YJU2B: variants seen among roughly 807,000 people sequenced by gnomAD.
The protein encoded by YJU2B is probable splicing factor YJU2B.
In YJU2B, 18 loss-of-function variants were observed where a neutral mutation model predicts 38.0. The observed-to-expected ratio is 0.47, with a 90% CI of 0.33 to 0.70. The LOEUF (loss-of-function observed/expected upper bound fraction) is 0.70. Ranked by LOEUF, YJU2B falls within the 30% of genes least tolerant of loss-of-function variation. The pLI is 0.02. For synonymous variants in YJU2B, 246 were observed against 225.4 expected, an observed-to-expected ratio of 1.09 and a Z score of -0.82; for missense variants, 538 against 556.3, an observed-to-expected ratio of 0.97 and a Z score of 0.33.
At chr19:13,757,562 G>A in intron 5 of YJU2B, 89 bp downstream of exon 5, 1 of 1,250,168 alleles carries the variant, frequency 8.0e-7, no homozygotes, top group South Asian at 1.2e-5. Context: ...GGAGGGTCCT[G>A]ATCAGGAATG....
intron 1 of YJU2B, among the ~76,000 whole-genome samples, chr19:13,750,672 C>G (rs1973424143): frequency 6.6e-6 from 1 of 151,774 alleles, no homozygotes; most frequent in South Asian, 2.1e-4. Flanking sequence ...CTGGCCTGGT[C>G]AACACAGTGA....
intron 2 of YJU2B, among the ~76,000 whole-genome samples, chr19:13,741,277 C>T (rs528990957): frequency 7.9e-5 from 12 of 151,690 alleles, no homozygotes; most frequent in African/African-American, 2.7e-4. Flanking sequence ...GCCTCAGCCT[C>T]CTGAGTAGCT....
intron 2 of YJU2B, among the ~76,000 whole-genome samples, chr19:13,735,269 T>A (rs957422150): frequency 2.0e-5 from 3 of 152,000 alleles, no homozygotes; most frequent in Non-Finnish European, 4.4e-5. Context: ...GAGCCGAGAT[T>A]GCGCCACCGC....
intron 2 of YJU2B, among the ~76,000 whole-genome samples, chr19:13,737,798 ATAAATT>A (rs1972993890): frequency 1.3e-5 from 2 of 151,306 alleles, no homozygotes; most frequent in Middle Eastern, 3.4e-3. Flanking sequence ...AAATAAATAA[ATAAATT>A]TAAGTTAGCC....
chr19:13,734,633 G>T (rs993193326), intron 2 of YJU2B, among the ~76,000 whole-genome samples: 4 of 151,984 alleles, frequency 2.6e-5, no homozygotes, highest in Non-Finnish European at 5.9e-5. Context: ...CTACCACCCA[G>T]CCTGGAGTGC....
intron 2 of YJU2B, among the ~76,000 whole-genome samples, chr19:13,737,513 G>A (rs1157382158): frequency 6.6e-6 from 1 of 150,606 alleles, no homozygotes; most frequent in African/African-American, 2.4e-5. Context: ...AGGGCTGGGC[G>A]CGGTGGCTCA....
At position 13,762,843 on chromosome 19, in the gene YJU2B, A is replaced by G. The variant is rs1387137106; in HGVS notation, c.966A>G (p.Pro322=). The G allele has an allele frequency of 1.2e-6, 2 of 1,606,874 alleles. No homozygotes were observed. Among genetic ancestry groups the G allele is most frequent in the East Asian group, 4.5e-5 (2 of 44,612 alleles). Residue 322 remains proline, a synonymous_variant, in exon 10 of 10, where the codon CCA becomes CCG. Transcript: ENST00000221554. ...CCAAGTCTGGGGAACCGCGGGTACC[A>G]GAGGAGGCTGCCCAGGACCGGCCCA... is the stretch of plus-strand genomic sequence containing the variant. ...DTPKSGEPRV[P]EEAAQDRPMS... is the part of the protein sequence containing the mutation.
At position 13,737,503 on chromosome 19, in the gene YJU2B, A is replaced by G. The variant is rs888059647; in HGVS notation, c.-202+5218A>G. On this transcript the variant is annotated intron_variant, in intron 2 of 10. Transcript: ENST00000586600. ...CTGCAGAGTACATAGAAAAGCAGGT[A>G]GGGCTGGGCGCGGTGGCTCACACCT... Among the ~76,000 whole-genome samples the G allele has an allele frequency of 1.6e-3, 238 of 150,592 alleles. 3 individuals are homozygous for G. Among genetic ancestry groups the G allele is most frequent in the Non-Finnish European group, 8.9e-4 (60 of 67,788 alleles).
intron 8 of YJU2B, chr19:13,761,266 C>G (rs1973876787): frequency 6.6e-6 from 1 of 152,070 alleles, no homozygotes; most frequent in African/African-American, 2.4e-5. Context: ...CCTGTAGTCC[C>G]AGCTACTTGG....
chr19:13,747,801 T>G (rs528123020), upstream of YJU2B: 6 of 152,414 alleles, frequency 3.9e-5, no homozygotes, highest in South Asian at 6.2e-4. Flanking sequence ...CGCAGAACGC[T>G]TGGCGTATCG....
At chr19:13,759,778 C>T (rs980428916) in intron 8 of YJU2B, among the ~76,000 whole-genome samples, 1 of 150,028 alleles carries the variant, frequency 6.7e-6, no homozygotes, top group African/African-American at 2.5e-5. Flanking sequence ...TAGGTACCCA[C>T]CACCACCACG....
At chr19:13,743,797 G>A (rs1973158441), upstream of YJU2B, among the ~76,000 whole-genome samples, 1 of 151,318 alleles carries the variant, frequency 6.6e-6, no homozygotes, top group South Asian at 2.1e-4. Flanking sequence ...GGAGGCTGAG[G>A]CAGGAGAATC....
intron 3 of YJU2B, among the ~76,000 whole-genome samples, 195 bp from the exon 4 acceptor site, chr19:13,756,002 G>A (rs192947365): frequency 1.3e-5 from 2 of 152,212 alleles, no homozygotes; most frequent in East Asian, 1.9e-4. Context: ...TCAAACTCAC[G>A]TTCCTGGTTC....
chr19:13,746,722 C>A (rs193081158), upstream of YJU2B, among the ~76,000 whole-genome samples: 204 of 152,264 alleles, frequency 1.3e-3, 3 homozygotes, highest in Non-Finnish European at 4.3e-4. Flanking sequence ...GTCTGGCCAA[C>A]ATGGTGAAAC....
At chr19:13,740,023 T>C (rs892024933) in intron 2 of YJU2B, among the ~76,000 whole-genome samples, 4 of 152,128 alleles carry the variant, frequency 2.6e-5, no homozygotes, top group African/African-American at 9.7e-5. Flanking sequence ...TTTACTGCAT[T>C]ACTATTTACA....
At chr19:13,732,630 G>A (rs1229872222) in intron 2 of YJU2B, 1 of 95,628 alleles carries the variant, frequency 1.0e-5, no homozygotes, top group East Asian at 3.8e-4. Flanking sequence ...TTTTTTTTGC[G>A]ACAGAGTCTC....
chr19:13,737,238 TG>T (rs1056650491), intron 2 of YJU2B, among the ~76,000 whole-genome samples: 12 of 152,156 alleles, frequency 7.9e-5, no homozygotes, highest in Admixed American at 7.9e-4. Flanking sequence ...TTTCACAGGC[TG>T]GTCTTGAACC....
chr19:13,748,130 G>A (rs977991369), intron 1 of YJU2B, among the ~76,000 whole-genome samples, 176 bp downstream of exon 1: 6 of 152,170 alleles, frequency 3.9e-5, no homozygotes, highest in Admixed American at 6.6e-5. Context: ...TGAGGCCCCA[G>A]CTGAGACCTC....
chr19:13,740,680 G>A (rs1392131985), intron 2 of YJU2B, among the ~76,000 whole-genome samples: 1 of 152,166 alleles, frequency 6.6e-6, no homozygotes, highest in Non-Finnish European at 1.5e-5. Flanking sequence ...GGGATTACAT[G>A]CGTGCGCCAC....
Sources: gnomAD v4.1 joint callset for allele counts (sites outside exome capture counted in the v4.1 genomes callset) on GRCh38, gnomAD v4.1.1 for gene constraint, MANE v1.5 for transcripts, NCBI Gene and HGNC (gene_info 2026-07-23, HGNC 2026-07-21) for gene names.